ABCC1: variants seen among roughly 807,000 people sequenced by gnomAD.
ABCC1 encodes ATP binding cassette subfamily C member 1 (ABCC1 blood group).
In ABCC1, 83 loss-of-function variants were observed where a neutral mutation model predicts 172.9. The observed-to-expected ratio is 0.48, with a 90% CI of 0.40 to 0.58. The LOEUF is 0.58. Among genes scored for constraint, ABCC1 ranks in the 20% least tolerant of loss-of-function variants. ABCC1 has a pLI of 0.00. For synonymous variants in ABCC1, 937 were observed against 825.2 expected (o/e 1.14, Z -2.32); for missense variants, 1,817 against 2,002.7 (o/e 0.91, Z 1.77).
At chr16:15,983,552 C>CTTTTTTTTTTT (rs11416710) in intron 1 of ABCC1, among the ~76,000 whole-genome samples, 1 of 126,554 alleles carries the variant, frequency 7.9e-6, no homozygotes, top group African/African-American at 3.0e-5. Flanking sequence ...GTACACCACA[C>CTTTTTTTTTTT]TTTTTTTTTT....
At chr16:16,063,489 A>G (rs1448192718) in intron 12 of ABCC1, among the ~76,000 whole-genome samples, 2 of 152,198 alleles carry the variant, frequency 1.3e-5, no homozygotes, top group African/African-American at 4.8e-5. Context: ...TATGTAGGTA[A>G]ATGAATAAAT....
At chr16:16,119,399 C>T (rs1379216343) in intron 23 of ABCC1, among the ~76,000 whole-genome samples, 1 of 152,174 alleles carries the variant, frequency 6.6e-6, no homozygotes, top group African/African-American at 2.4e-5. Flanking sequence ...TGACATTGTG[C>T]CAGTGCACTT....
intron 19 of ABCC1, among the ~76,000 whole-genome samples, chr16:16,099,119 T>G (rs1263589040): frequency 1.3e-5 from 2 of 152,250 alleles, no homozygotes; most frequent in Admixed American, 1.3e-4. Flanking sequence ...CCCAGATCCC[T>G]TTATTGTCAC....
Position 15,951,791 on chromosome 16 carries a change from G to C in ABCC1, c.48+1992G>C, listed in dbSNP as rs1012693040. 2.0e-5 allele frequency among the ~76,000 whole-genome samples: 3 copies of C among 152,218 alleles called. No individual in the cohort carries two copies. In the East Asian group the frequency reaches 5.8e-4, roughly 29 times the overall value. ...TGCAATCTCTGCCTCCCCGGCTCAA[G>C]TGGTCCTCCTAACTCAGCCTCCCAA... On this transcript the variant is annotated intron_variant, in intron 1 of 30. Transcript: ENST00000399410.
chr16:16,048,666 A>G (rs1490263950), intron 10 of ABCC1, among the ~76,000 whole-genome samples: 1 of 152,120 alleles, frequency 6.6e-6, no homozygotes, highest in East Asian at 1.9e-4. Flanking sequence ...AATTCTCTCA[A>G]TTGCAAGGGA....
chr16:15,975,376 G>C (rs1567281871), intron 1 of ABCC1, among the ~76,000 whole-genome samples: 1 of 152,076 alleles, frequency 6.6e-6, no homozygotes, highest in African/African-American at 2.4e-5. Context: ...GGCCCAGCTT[G>C]TACACGTTGT....
At chr16:16,072,625 C>T (rs907318986) in intron 14 of ABCC1, among the ~76,000 whole-genome samples, 34 of 151,978 alleles carry the variant, frequency 2.2e-4, no homozygotes, top group Non-Finnish European at 3.7e-4. Flanking sequence ...ATGTGAGCCA[C>T]TGCACCTGGC....
At chr16:16,104,444 G>A (rs914950811) in intron 20 of ABCC1, among the ~76,000 whole-genome samples, 3 of 152,178 alleles carry the variant, frequency 2.0e-5, no homozygotes, top group Non-Finnish European at 4.4e-5. Flanking sequence ...ATAGAGTGTT[G>A]ATTGGTGCAT....
Position 16,052,813 on chromosome 16 carries a change from T to G in ABCC1, c.1470T>G (p.Tyr490Ter). The G allele has an allele frequency of 6.2e-7, 1 of 1,614,100 alleles. No individual in the cohort carries two copies. Among genetic ancestry groups the G allele is most frequent in the Non-Finnish European group, 8.5e-7 (1 of 1,180,006 alleles). ...NAVMAMKTKTYQVAHMKSKDN... is the reference protein window; with the variant it reads ...NAVMAMKTKT ...TGATGGCGATGAAGACCAAGACGTA[T>G]CAGGTAAGGCATGTGTCTCTGCGGG... The change falls in exon 11 of 31, where the codon TAT (tyrosine) becomes TAG (stop). Residue 490 changes from tyrosine to a stop codon, truncating the protein, a stop_gained. Transcript: ENST00000399410. LOFTEE classifies it high-confidence loss of function.
At chr16:16,065,986 A>C (rs892335167) in intron 12 of ABCC1, among the ~76,000 whole-genome samples, 1 of 151,330 alleles carries the variant, frequency 6.6e-6, no homozygotes, top group African/African-American at 2.4e-5. Context: ...GGTTTTTTGT[A>C]TAAATGATAA....
At chr16:16,133,733 G>A (rs1013668609) in intron 27 of ABCC1, among the ~76,000 whole-genome samples, 7 of 152,098 alleles carry the variant, frequency 4.6e-5, no homozygotes, top group African/African-American at 9.7e-5. Context: ...CTTATCTCAC[G>A]TCATGAGAAT....
intron 17 of ABCC1, among the ~76,000 whole-genome samples, chr16:16,086,515 C>T (rs2152004560): frequency 6.6e-6 from 1 of 152,316 alleles, no homozygotes; most frequent in South Asian, 2.1e-4. Flanking sequence ...AGTGCAGTGG[C>T]CCAGCCATAG....
In ABCC1 at chr16:16,009,782, G is replaced by A; in HGVS notation, c.232G>A (p.Gly78Arg). 6.2e-6 allele frequency: 10 copies of A among 1,606,624 alleles called. No individual in the cohort carries two copies. The highest frequency in any genetic ancestry group is 8.5e-6 in the Non-Finnish European group (10 of 1,176,804). ...TPLNKTKTAL[G>R]FLLWIVCWAD... Reference sequence around the variant, plus strand: ...GTATGTGCTTCTCTTCCAGGCCTTGGGATTTTTGCTGTGGATCGTCTGCTG... The same window carrying A: ...GTATGTGCTTCTCTTCCAGGCCTTGAGATTTTTGCTGTGGATCGTCTGCTG... The change falls in exon 3 of 31, where the codon GGA becomes AGA. Residue 78 changes from glycine to arginine, a missense_variant. Coordinates refer to ENST00000399410, the MANE Select transcript of ABCC1 (RefSeq NM_004996.4).
chr16:16,025,760 A>G (rs967870221), intron 5 of ABCC1, among the ~76,000 whole-genome samples: 1 of 152,186 alleles, frequency 6.6e-6, no homozygotes, highest in Admixed American at 6.5e-5. Flanking sequence ...AGATGTCAAT[A>G]TGGTGGATGC....
At chr16:16,034,734 C>A (rs2048690683) in intron 6 of ABCC1, among the ~76,000 whole-genome samples, 2 of 151,686 alleles carry the variant, frequency 1.3e-5, no homozygotes. Context: ...ATTACAGGGA[C>A]CTGCCACCAC....
Position 16,141,680 on chromosome 16 carries a change from A to AG in ABCC1, c.*400dup. On this transcript the variant is annotated 3_prime_UTR_variant, in exon 31 of 31. Coordinates refer to ENST00000399410, the MANE Select transcript of ABCC1 (RefSeq NM_004996.4). ...TCAGCCTACTGCCTCGGATCTCTCC[A>AG]GCCGAAGTCTGTGGACTGCAAGTCT... The AG allele has an allele frequency of 5.1e-6, 1 of 194,348 alleles. No individual in the cohort carries two copies. Among genetic ancestry groups the AG allele is most frequent in the Non-Finnish European group, 1.1e-5 (1 of 94,934 alleles). The allele number at this position is 194,348 out of a possible 1,614,324, so 12.0% of individuals were successfully genotyped here.
intron 4 of ABCC1, among the ~76,000 whole-genome samples, chr16:16,015,826 A>G (rs1173373881): frequency 6.6e-6 from 1 of 152,168 alleles, no homozygotes; most frequent in African/African-American, 2.4e-5. Flanking sequence ...ATCCCCAGAC[A>G]CTGCCAGATG....
In ABCC1 at chr16:16,061,072, C is replaced by T. The variant is rs557831517; in HGVS notation, c.1677+4777C>T. 4.6e-5 allele frequency among the ~76,000 whole-genome samples: 7 copies of T among 151,998 alleles called. No individual in the cohort carries two copies. The South Asian group carries it at 8.3e-4, about 18-fold the overall frequency. ...CCGAGTAGCTGGGAGTACAGGCGCA[C>T]GCCACCATGCCAAGCCAATTTTTTG... On this transcript the variant is annotated intron_variant, in intron 12 of 30. Transcript: ENST00000399410.
At chr16:16,052,250 A>T (rs982932550) in intron 10 of ABCC1, among the ~76,000 whole-genome samples, 3 of 152,132 alleles carry the variant, frequency 2.0e-5, no homozygotes, top group African/African-American at 4.8e-5. Context: ...AGTCACAGCT[A>T]CTTGGGAGGC....
Sources: gnomAD v4.1 joint callset for allele counts (sites outside exome capture counted in the v4.1 genomes callset) on GRCh38, gnomAD v4.1.1 for gene constraint, MANE v1.5 for transcripts, NCBI Gene and HGNC (gene_info 2026-07-23, HGNC 2026-07-21) for gene names.